Variants in ATP6V0A4 observed in about 807,000 individuals in gnomAD.
ATP6V0A4 encodes the protein ATPase H+ transporting V0 subunit a4.
ATP6V0A4 carries 86 observed loss-of-function variants against 107.3 expected under a neutral mutation model. The observed-to-expected ratio is 0.80, with a 90% CI of 0.67 to 0.96. The LOEUF is 0.96. Among genes scored for constraint, ATP6V0A4 ranks in the 40% least tolerant of loss-of-function variants. The pLI is 0.00. For missense variants in ATP6V0A4, 908 were observed against 1,045.6 expected (o/e 0.87, Z 1.81); for synonymous variants, 353 against 381.4 (o/e 0.93, Z 0.87).
chr7:138,724,125 G>T (rs1270833552), intron 18 of ATP6V0A4, among the ~76,000 whole-genome samples: 2 of 148,896 alleles, frequency 1.3e-5, no homozygotes, highest in African/African-American at 5.0e-5. Context: ...GGGATGTTGA[G>T]GCTGAAGTGA....
At chr7:138,750,251 T>G (rs1806155119) in intron 11 of ATP6V0A4, among the ~76,000 whole-genome samples, 1 of 152,052 alleles carries the variant, frequency 6.6e-6, no homozygotes, top group Non-Finnish European at 1.5e-5. Flanking sequence ...TGCTCAAGTC[T>G]TTTTTCTTTT....
At chr7:138,784,223 T>TATATACACAC in intron 2 of ATP6V0A4, among the ~76,000 whole-genome samples, 1 of 87,184 alleles carries the variant, frequency 1.1e-5, no homozygotes, top group African/African-American at 6.2e-5. Flanking sequence ...ATTATATATA[T>TATATACACAC]ATATATATAT....
At chr7:138,711,839 C>A (rs992983676) in intron 20 of ATP6V0A4, among the ~76,000 whole-genome samples, 14 of 152,232 alleles carry the variant, frequency 9.2e-5, no homozygotes, top group Non-Finnish European at 2.1e-4. Flanking sequence ...CCTGCGTGTA[C>A]CCGCAGCACA....
intron 2 of ATP6V0A4, among the ~76,000 whole-genome samples, chr7:138,772,041 A>G (rs1181342984): frequency 6.6e-6 from 1 of 152,228 alleles, no homozygotes; most frequent in African/African-American, 2.4e-5. Context: ...CCAACTCTGG[A>G]TTCCAGAATA....
rs114151969 is a variant in ATP6V0A4 at position 138,780,318 on chromosome 7, T to C, written c.-18+5840A>G. Among the ~76,000 whole-genome samples, 1,238 of 152,300 alleles carry C rather than the reference T, an allele frequency of 8.1e-3. 17 individuals carry two copies. Among genetic ancestry groups the C allele is most frequent in the African/African-American group, 0.028 (1,179 of 41,564 alleles). ...GAACACACAACCTAGATTCTTCTCA[T>C]GCACAGTTCACAGTAGGGTTCATGC... On this transcript the variant is annotated intron_variant, in intron 2 of 21. Coordinates refer to ENST00000310018, the MANE Select transcript of ATP6V0A4 (RefSeq NM_020632.3).
chr7:138,734,722 G>A (rs565568306), intron 15 of ATP6V0A4, among the ~76,000 whole-genome samples: 1 of 148,528 alleles, frequency 6.7e-6, no homozygotes, highest in East Asian at 2.0e-4. Context: ...AGGTTGCAGT[G>A]AGCTGAGATC....
At chr7:138,763,901 A>G (rs1248855432) in intron 5 of ATP6V0A4, among the ~76,000 whole-genome samples, 1 of 150,964 alleles carries the variant, frequency 6.6e-6, no homozygotes, top group African/African-American at 2.4e-5. Flanking sequence ...CAGAGGTTAC[A>G]GTGAGCAGAG....
chr7:138,787,741 T>C (rs1403067812), intron 1 of ATP6V0A4, among the ~76,000 whole-genome samples: 1 of 152,194 alleles, frequency 6.6e-6, no homozygotes, highest in Non-Finnish European at 1.5e-5. Flanking sequence ...CTCACACCTG[T>C]AATCCCAGCA....
At chr7:138,733,866 G>A (rs1805163819) in intron 16 of ATP6V0A4, among the ~76,000 whole-genome samples, 2 of 152,068 alleles carry the variant, frequency 1.3e-5, no homozygotes, top group African/African-American at 4.8e-5. Flanking sequence ...GTGAGACACC[G>A]CACCTGGCCT....
In ATP6V0A4 at chr7:138,728,939, T is replaced by C. The variant is rs369085299; in HGVS notation, c.1909-77A>G. ...CACTTTACGTGATGAAAATGACCAC[T>C]ATGGGCCACTTCACTAGCACTTTAT... On this transcript the variant is annotated intron_variant, in intron 17 of 21. Transcript: ENST00000310018. 79 of 1,610,120 alleles carry C rather than the reference T, an allele frequency of 4.9e-5. 2 individuals are homozygous for C. The highest frequency in any genetic ancestry group is 4.2e-4 in the East Asian group (19 of 44,882).
intron 13 of ATP6V0A4, among the ~76,000 whole-genome samples, chr7:138,745,577 C>T (rs1000008958): frequency 3.4e-5 from 5 of 148,074 alleles, no homozygotes; most frequent in Admixed American, 1.4e-4. Flanking sequence ...CTTGGGAGGC[C>T]GAGGCAGGAG....
chr7:138,706,980 G>A (rs1367898318), intron 21 of ATP6V0A4, among the ~76,000 whole-genome samples: 2 of 132,950 alleles, frequency 1.5e-5, no homozygotes, highest in Non-Finnish European at 3.1e-5. Flanking sequence ...TATAACCTCC[G>A]CCTCTCAGGT....
chr7:138,768,022 G>A (rs1031491160), intron 5 of ATP6V0A4, among the ~76,000 whole-genome samples: 5 of 152,050 alleles, frequency 3.3e-5, no homozygotes, highest in South Asian at 2.1e-4. Flanking sequence ...CAACCTCTGC[G>A]TCCCGGATTC....
At chr7:138,771,297 T>G (rs764385663) in intron 2 of ATP6V0A4, 33 bp from the exon 3 acceptor site, 1 of 1,607,486 alleles carries the variant, frequency 6.2e-7, no homozygotes, top group Non-Finnish European at 8.5e-7. Flanking sequence ...TATTAATATT[T>G]AAGGTAATAA....
At chr7:138,755,162 G>C (rs544650424) in intron 10 of ATP6V0A4, among the ~76,000 whole-genome samples, 1 of 152,304 alleles carries the variant, frequency 6.6e-6, no homozygotes, top group African/African-American at 2.4e-5. Context: ...TGCTGTGATT[G>C]AAGAAAGATT....
At chr7:138,781,522 G>T (rs1807920293) in intron 2 of ATP6V0A4, among the ~76,000 whole-genome samples, 1 of 152,062 alleles carries the variant, frequency 6.6e-6, no homozygotes, top group African/African-American at 2.4e-5. Flanking sequence ...AGTAGACACG[G>T]GGTTTCACCA....
chr7:138,771,871 C>T (rs1807408388), intron 2 of ATP6V0A4, among the ~76,000 whole-genome samples: 1 of 122,926 alleles, frequency 8.1e-6, no homozygotes, highest in South Asian at 3.2e-4. Flanking sequence ...TCCTCCCACT[C>T]TGGTCTCTCA....
chr7:138,728,644 A>T lies in ATP6V0A4; in HGVS notation c.2010+117T>A, dbSNP rs941153041. On this transcript the variant is annotated intron_variant, in intron 18 of 21. Transcript: ENST00000310018. ...CATACTCAGGGCGGGTCAGTTCCTC[A>T]ACACCATTCTTCTGGCCCTGGCAGC... The T allele has an allele frequency of 3.5e-6, 5 of 1,434,802 alleles. No homozygotes were observed. The African/African-American group carries it at 5.6e-5, about 16-fold the overall frequency. 88.9% of individuals were successfully genotyped at this position (1,434,802 alleles called of 1,614,324 possible).
At chr7:138,711,942 T>G (rs1289280458) in intron 20 of ATP6V0A4, among the ~76,000 whole-genome samples, 1 of 152,194 alleles carries the variant, frequency 6.6e-6, no homozygotes, top group Non-Finnish European at 1.5e-5. Context: ...TTCCTTTTTT[T>G]CCTTTTTCGA....
Sources: gnomAD v4.1 joint callset for allele counts (sites outside exome capture counted in the v4.1 genomes callset) on GRCh38, gnomAD v4.1.1 for gene constraint, MANE v1.5 for transcripts, NCBI Gene and HGNC (gene_info 2026-07-23, HGNC 2026-07-21) for gene names.